The following QRICH1 variants were observed in gnomAD, a reference collection of about 807,000 sequenced individuals.
QRICH1 encodes the protein glutamine rich 1.
Under a neutral mutation model 87.1 loss-of-function variants are expected in QRICH1, and 16 were observed. The observed-to-expected ratio is 0.18, with a 90% CI of 0.12 to 0.28. The LOEUF is 0.28. QRICH1 is among the 10% of genes least tolerant of loss of function. QRICH1 has a pLI of 1.00. For synonymous variants in QRICH1, 367 were observed against 368.4 expected (o/e 1.00, Z 0.05); for missense variants, 647 against 951.7 (o/e 0.68, Z 4.21).
chr3:49,031,972 G>A lies in QRICH1; in HGVS notation c.2138+211C>T, dbSNP rs553802486. ...TCATGAAAGGTGACTGTAGGGACCC[G>A]GGACCCCTTTTTCTATCAGTGCTAG... is the stretch of plus-strand genomic sequence containing the variant. On this transcript the variant is annotated intron_variant, in intron 9 of 9. Transcript: ENST00000395443. Among the ~76,000 whole-genome samples the A allele has an allele frequency of 9.2e-5, 14 of 152,248 alleles. 1 individual carries two copies. In the South Asian group the frequency reaches 2.7e-3, roughly 29 times the overall value.
chr3:49,043,541 A>T (rs1390549557), intron 6 of QRICH1, among the ~76,000 whole-genome samples: 1 of 145,272 alleles, frequency 6.9e-6, no homozygotes, highest in East Asian at 2.2e-4. Context: ...AAAAACAAAA[A>T]TAGGCCAGGC....
intron 1 of QRICH1, among the ~76,000 whole-genome samples, chr3:49,080,852 A>T (rs1039522050): frequency 6.6e-6 from 1 of 151,602 alleles, no homozygotes; most frequent in Admixed American, 6.6e-5. Context: ...AAACCATTAT[A>T]ATAGTATAAA....
chr3:49,053,533 G>GT (rs2093384648), intron 3 of QRICH1, among the ~76,000 whole-genome samples: 2 of 148,314 alleles, frequency 1.3e-5, no homozygotes, highest in African/African-American at 2.5e-5. Flanking sequence ...CTGCTGTGTT[G>GT]TATGTTGCTG....
Position 49,032,688 on chromosome 3 carries a change from G to A in QRICH1, c.1981C>T (p.Pro661Ser), listed in dbSNP as rs1314981903. ...LRQTKKNPSN[P>S]KDKSTSIRYL... ...CGGATACTCGTGCTTTTATCCTTGG[G>A]ATTAGAGGGGTTCTTCTTTGTCTGT... The change falls in exon 8 of 10, where the codon CCC (proline) becomes TCC (serine). Residue 661 changes from proline to serine, a missense_variant. By Grantham distance (74) the Pro-to-Ser change is moderately conservative. Coordinates refer to ENST00000395443, the MANE Select transcript of QRICH1 (RefSeq NM_198880.3). 1.2e-6 allele frequency: 2 copies of A among 1,613,196 alleles called. No homozygotes were observed. The highest frequency in any genetic ancestry group is 3.3e-5 in the Admixed American group (2 of 59,768).
At chr3:49,046,262 TAA>T (rs11374545) in intron 5 of QRICH1, among the ~76,000 whole-genome samples, 161 bp downstream of exon 5, 4 of 129,894 alleles carry the variant, frequency 3.1e-5, no homozygotes, top group African/African-American at 2.9e-5. Context: ...TTTTAAAACT[TAA>T]AAAAAAAAAA....
At chr3:49,056,274 G>A (rs1056826216) in intron 3 of QRICH1, among the ~76,000 whole-genome samples, 10 of 152,120 alleles carry the variant, frequency 6.6e-5, no homozygotes, top group Non-Finnish European at 1.0e-4. Context: ...TCGCCCGGCC[G>A]CCCCCGTAAC....
At chr3:49,039,627 A>AC in intron 6 of QRICH1, among the ~76,000 whole-genome samples, 1 of 151,148 alleles carries the variant, frequency 6.6e-6, no homozygotes, top group East Asian at 1.9e-4. Context: ...TCAAAAAAAA[A>AC]AAAAAAAAAA....
At chr3:49,061,550 AAAC>A (rs2093434847) in intron 2 of QRICH1, among the ~76,000 whole-genome samples, 1 of 152,148 alleles carries the variant, frequency 6.6e-6, no homozygotes, top group South Asian at 2.1e-4. Flanking sequence ...GAAAGGTAGA[AAAC>A]AAGAAGGCAG....
At position 49,057,440 on chromosome 3, in the gene QRICH1, T is replaced by C. The variant is rs748187747; in HGVS notation, c.760A>G (p.Ile254Val). Residue 254 changes from isoleucine (I) to valine (V), a missense_variant, in exon 3 of 10, where the codon ATC becomes GTC. Physicochemically the swap from Ile to Val is conservative, Grantham distance 29 (BLOSUM62 3). Coordinates refer to ENST00000395443, the MANE Select transcript of QRICH1 (RefSeq NM_198880.3). The surrounding 1 kb of genome is among the most constrained non-coding windows in gnomAD (Gnocchi z 5.4). ...CCTGAGATGGCGTAGGACACAGTGA[T>C]GGGCATGTCCACTTTGCGCTTCTTC... ...PVKKRKVDMP[I>V]TVSYAISGQP... 6.2e-7 allele frequency: 1 copy of C among 1,614,068 alleles called. No individual in the cohort carries two copies. The highest frequency in any genetic ancestry group is 1.1e-5 in the South Asian group (1 of 91,080).
At chr3:49,045,327 A>C (rs1469341878) in intron 5 of QRICH1, among the ~76,000 whole-genome samples, 1 of 15,752 alleles carries the variant, frequency 6.3e-5, no homozygotes, top group Non-Finnish European at 1.1e-4. Context: ...TGTGAATTAC[A>C]AAAAAAAAAA....
chr3:49,070,208 T>C (rs2093493027), intron 2 of QRICH1, among the ~76,000 whole-genome samples: 1 of 152,042 alleles, frequency 6.6e-6, no homozygotes, highest in African/African-American at 2.4e-5. Context: ...GGCTGATTTT[T>C]GTATTTTTTA....
intron 3 of QRICH1, 196 bp downstream of exon 3, chr3:49,056,666 C>G: frequency 1.9e-6 from 2 of 1,037,372 alleles, no homozygotes; most frequent in Non-Finnish European, 2.8e-6. Context: ...TCATTTACCT[C>G]CAGGTACCAG....
intron 3 of QRICH1, among the ~76,000 whole-genome samples, chr3:49,052,432 T>A (rs1163700588): frequency 6.6e-6 from 1 of 152,112 alleles, no homozygotes; most frequent in Non-Finnish European, 1.5e-5. Flanking sequence ...GAGACTTATG[T>A]GTCAGTGCAG....
At chr3:49,032,375 TACA>T in intron 8 of QRICH1, 102 bp from the exon 9 acceptor site, 1 of 563,264 alleles carries the variant, frequency 1.8e-6, no homozygotes. Flanking sequence ...AACTAGGAAA[TACA>T]GGGTCGGGGG....
chr3:49,032,894 C>T (rs1340000077), intron 7 of QRICH1, 121 bp from the exon 8 acceptor site: 20 of 1,268,280 alleles, frequency 1.6e-5, no homozygotes, highest in Middle Eastern at 2.7e-4. Context: ...TGGGCAGGCC[C>T]GTACCCAAGC....
intron 2 of QRICH1, among the ~76,000 whole-genome samples, chr3:49,064,775 G>A (rs1365486647): frequency 1.3e-5 from 2 of 152,100 alleles, no homozygotes; most frequent in Admixed American, 1.3e-4. Flanking sequence ...CAGCACTTTG[G>A]GAGGCCAAGG....
At chr3:49,068,926 C>T (rs1207018480) in intron 2 of QRICH1, among the ~76,000 whole-genome samples, 5 of 151,564 alleles carry the variant, frequency 3.3e-5, no homozygotes, top group East Asian at 1.9e-4. Context: ...CAACCACACC[C>T]GGCCAAACTT....
At chr3:49,055,268 C>T (rs1399381658) in intron 3 of QRICH1, among the ~76,000 whole-genome samples, 2 of 152,134 alleles carry the variant, frequency 1.3e-5, no homozygotes, top group Admixed American at 6.6e-5. Context: ...CTTGTTTGTA[C>T]CAGCTCCCAC....
chr3:49,054,623 G>A (rs1396059026), intron 3 of QRICH1, among the ~76,000 whole-genome samples: 1 of 152,108 alleles, frequency 6.6e-6, no homozygotes, highest in Admixed American at 6.6e-5. Context: ...AACAGTTCAA[G>A]GCAGGGTGCA....
Sources: allele counts gnomAD v4.1 joint callset (sites outside exome capture counted in the v4.1 genomes callset), GRCh38; gene constraint gnomAD v4.1.1; non-coding constraint Gnocchi (gnomAD v3.1); transcripts MANE v1.5; gene names NCBI Gene and HGNC (gene_info 2026-07-23, HGNC 2026-07-21).